The following JAM2 variants were observed in gnomAD, a reference collection of about 807,000 sequenced individuals.
The protein encoded by JAM2 is junctional adhesion molecule 2.
JAM2 carries 17 observed loss-of-function variants against 42.0 expected under a neutral mutation model. The ratio of observed to expected loss-of-function variants is 0.40; its 90% CI spans 0.28 to 0.61. JAM2 has a LOEUF of 0.61. Among genes scored for constraint, JAM2 ranks in the 20% least tolerant of loss-of-function variants. The pLI is 0.37. For missense variants in JAM2, 319 were observed against 358.3 expected, an observed-to-expected ratio of 0.89 and a Z score of 0.89; for synonymous variants, 118 against 128.6, an observed-to-expected ratio of 0.92 and a Z score of 0.56.
chr21:25,694,001 G>C, intron 4 of JAM2, 93 bp downstream of exon 4: 1 of 1,211,314 alleles, frequency 8.3e-7, no homozygotes, highest in Non-Finnish European at 1.2e-6. Context: ...AAACATGCCA[G>C]CATCAACTGG....
intron 7 of JAM2, 37 bp downstream of exon 7, chr21:25,706,123 C>A: frequency 8.1e-7 from 1 of 1,231,480 alleles, no homozygotes. Flanking sequence ...AGATAACTTT[C>A]TATGGCTATG....
At chr21:25,652,915 C>T (rs1280288798) in intron 1 of JAM2, among the ~76,000 whole-genome samples, 1 of 152,156 alleles carries the variant, frequency 6.6e-6, no homozygotes, top group African/African-American at 2.4e-5. Flanking sequence ...ATATATTTGG[C>T]TTGTATTCCA....
intron 1 of JAM2, among the ~76,000 whole-genome samples, chr21:25,681,324 T>C (rs1171419987): frequency 6.6e-6 from 1 of 152,184 alleles, no homozygotes; most frequent in Non-Finnish European, 1.5e-5. Context: ...TTTAATTGAC[T>C]CACAGTTCAG....
intron 1 of JAM2, among the ~76,000 whole-genome samples, chr21:25,644,531 T>G (rs2032546908): frequency 6.6e-6 from 1 of 152,228 alleles, no homozygotes; most frequent in South Asian, 2.1e-4. Flanking sequence ...GCTTCCTTCT[T>G]CCACTCATCA....
chr21:25,676,717 T>A (rs2033505688), intron 1 of JAM2, among the ~76,000 whole-genome samples: 1 of 152,228 alleles, frequency 6.6e-6, no homozygotes. Context: ...TTTTGTTTAT[T>A]TTCCTATTTA....
intron 1 of JAM2, among the ~76,000 whole-genome samples, chr21:25,676,904 A>G (rs1454713176): frequency 6.6e-6 from 1 of 152,228 alleles, no homozygotes; most frequent in East Asian, 1.9e-4. Context: ...AAAGGCTAAA[A>G]CAAGGTAGAA....
intron 1 of JAM2, among the ~76,000 whole-genome samples, chr21:25,649,191 A>G (rs905212397): frequency 1.3e-5 from 2 of 152,234 alleles, no homozygotes; most frequent in African/African-American, 4.8e-5. Context: ...AAGTTGCTTA[A>G]TCTAGACTAG....
At position 25,716,443 on chromosome 21, in the gene JAM2, C is replaced by T. The variant is rs1306075974; in HGVS notation, c.*1771C>T. The stretch of plus-strand genomic sequence containing the variant: ...CACCGGGAAGATGCTCCCCCTTTGA[C>T]TTGTCTATGACATGCTATGTCTCTC... On this transcript the variant is annotated 3_prime_UTR_variant, in exon 10 of 10. Coordinates refer to ENST00000480456, the MANE Select transcript of JAM2 (RefSeq NM_021219.4). 6.6e-6 allele frequency: 1 copy of T among 152,236 alleles called. No homozygotes were observed. The highest frequency in any genetic ancestry group is 2.4e-5 in the African/African-American group (1 of 41,466). 9.4% of individuals were successfully genotyped at this position (152,236 alleles called of 1,614,324 possible).
chr21:25,708,460 C>G lies in JAM2; in HGVS notation c.806-974C>G, dbSNP rs9975053. ...GCACACACCTTTAGTTCCAGCTACTCAGGAGGCTAAAGTAGGAGGATCGCT... is the reference window on the plus strand; with the variant it reads ...GCACACACCTTTAGTTCCAGCTACTGAGGAGGCTAAAGTAGGAGGATCGCT... On this transcript the variant is annotated intron_variant, in intron 7 of 9. Transcript: ENST00000480456. Among the ~76,000 whole-genome samples the G allele has an allele frequency of 5.0e-3, 761 of 152,254 alleles. 5 individuals are homozygous for G. The highest frequency in any genetic ancestry group is 0.017 in the African/African-American group (711 of 41,544).
chr21:25,710,392 ATATAG>A (rs968947694), intron 8 of JAM2, among the ~76,000 whole-genome samples: 1 of 152,198 alleles, frequency 6.6e-6, no homozygotes, highest in African/African-American at 2.4e-5. Context: ...AGGTAATACT[ATATAG>A]TATATCAGAT....
chr21:25,712,971 A>T (rs1334169293), intron 9 of JAM2, among the ~76,000 whole-genome samples: 1 of 152,248 alleles, frequency 6.6e-6, no homozygotes. Flanking sequence ...TCAAGGCACC[A>T]GTAGACTCAA....
At chr21:25,712,415 A>G (rs1157366388) in intron 9 of JAM2, 33 bp downstream of exon 9, 3 of 1,475,302 alleles carry the variant, frequency 2.0e-6, no homozygotes, top group Non-Finnish European at 2.8e-6. Flanking sequence ...TATAGAATGA[A>G]TATGTTTGGG....
chr21:25,693,026 T>C (rs556808893), intron 3 of JAM2, among the ~76,000 whole-genome samples: 2 of 152,324 alleles, frequency 1.3e-5, no homozygotes, highest in East Asian at 3.9e-4. Context: ...AAATTATGAC[T>C]ATCTTACAGC....
intron 4 of JAM2, among the ~76,000 whole-genome samples, chr21:25,698,148 C>T (rs981508994): frequency 1.3e-5 from 2 of 152,190 alleles, no homozygotes; most frequent in African/African-American, 4.8e-5. Context: ...AAGCCCTTAA[C>T]TCTCAGTGAG....
At chr21:25,665,137 T>C (rs920307020) in intron 1 of JAM2, among the ~76,000 whole-genome samples, 1 of 151,800 alleles carries the variant, frequency 6.6e-6, no homozygotes, top group Admixed American at 6.6e-5. Context: ...TTGGAGAAAA[T>C]TGTAATAGGG....
chr21:25,665,650 T>C (rs2033199196), intron 1 of JAM2, among the ~76,000 whole-genome samples: 1 of 152,174 alleles, frequency 6.6e-6, no homozygotes, highest in East Asian at 1.9e-4. Context: ...AATTCCCTCC[T>C]GCTTGAGAGA....
Position 25,673,502 on chromosome 21 carries a change from C to T in JAM2, c.68-10381C>T, listed in dbSNP as rs767684972. ...TTCAAATTAGTTCATTCACCATAAACGTTTACTCATTAACACTGTCTCTGT... is the reference window on the plus strand; with the variant it reads ...TTCAAATTAGTTCATTCACCATAAATGTTTACTCATTAACACTGTCTCTGT... On this transcript the variant is annotated intron_variant, in intron 1 of 9. Transcript: ENST00000480456. Among the ~76,000 whole-genome samples the T allele has an allele frequency of 6.0e-4, 92 of 152,122 alleles. 1 individual carries two copies. The highest frequency in any genetic ancestry group is 1.1e-3 in the Non-Finnish European group (78 of 68,022).
Position 25,663,991 on chromosome 21 carries a change from C to G in JAM2, c.68-19892C>G, listed in dbSNP as rs1187006673. ...TCAACTTATCTTCATTACTAGTTCT[C>G]TTACCACAGGCTATAAATATGCTCA... is the stretch of plus-strand genomic sequence containing the variant. On this transcript the variant is annotated intron_variant, in intron 1 of 9. Coordinates refer to ENST00000480456, the MANE Select transcript of JAM2 (RefSeq NM_021219.4). 2.0e-5 allele frequency among the ~76,000 whole-genome samples: 3 copies of G among 152,128 alleles called. No individual in the cohort carries two copies. The East Asian group carries it at 5.8e-4, about 29-fold the overall frequency.
chr21:25,641,562 G>C (rs1368312841), intron 1 of JAM2, among the ~76,000 whole-genome samples: 1 of 151,546 alleles, frequency 6.6e-6, no homozygotes, highest in South Asian at 2.1e-4. Context: ...TAAAAGATCT[G>C]GCATTGCAAG....
Sources: gnomAD v4.1 joint callset for allele counts (sites outside exome capture counted in the v4.1 genomes callset) on GRCh38, gnomAD v4.1.1 for gene constraint, MANE v1.5 for transcripts, NCBI Gene and HGNC (gene_info 2026-07-23, HGNC 2026-07-21) for gene names.